ITFG1: variants seen among roughly 807,000 people sequenced by gnomAD.
ITFG1 encodes integrin alpha FG-GAP repeat containing 1, also known as T-cell immunomodulatory protein.
A neutral mutation model predicts 81.8 loss-of-function variants in ITFG1; 34 were observed. The ratio of observed to expected loss-of-function variants is 0.42; its 90% confidence interval spans 0.32 to 0.55. The LOEUF is 0.55. Ranked by LOEUF, ITFG1 falls within the 20% of genes least tolerant of loss-of-function variation. ITFG1 has a pLI of 0.17. For missense variants in ITFG1, 672 were observed against 755.4 expected (o/e 0.89, Z 1.29); for synonymous variants, 285 against 270.6 (o/e 1.05, Z -0.52).
chr16:47,156,903 G>A (rs940094365), intron 17 of ITFG1, among the ~76,000 whole-genome samples: 3 of 152,186 alleles, frequency 2.0e-5, no homozygotes, highest in Non-Finnish European at 4.4e-5. Flanking sequence ...TTCAGCAGGG[G>A]AGTGACATGA....
At chr16:47,410,440 G>C (rs1968795714) in intron 6 of ITFG1, among the ~76,000 whole-genome samples, 1 of 152,054 alleles carries the variant, frequency 6.6e-6, no homozygotes. Flanking sequence ...GAGTGATTCA[G>C]CACAAGACGG....
At chr16:47,381,787 C>T (rs1251188404) in intron 6 of ITFG1, among the ~76,000 whole-genome samples, 1 of 152,168 alleles carries the variant, frequency 6.6e-6, no homozygotes, top group East Asian at 1.9e-4. Flanking sequence ...CTAAGACAAA[C>T]CAGGTCATGC....
At position 47,380,433 on chromosome 16, in the gene ITFG1, C is replaced by A. The variant is rs934811043; in HGVS notation, c.656-4493G>T. On this transcript the variant is annotated intron_variant, in intron 6 of 17. Transcript: ENST00000320640. ...CCCACCTTATCTCCTGGACACTACG[C>A]CAAAAAGTAAGGTTAAATTACAGTG... Among the ~76,000 whole-genome samples, 8 of 152,090 alleles carry A rather than the reference C, an allele frequency of 5.3e-5. No individual in the cohort carries two copies. In the South Asian group the frequency reaches 1.7e-3, roughly 31 times the overall value.
chr16:47,321,055 A>G (rs932773901), intron 8 of ITFG1, among the ~76,000 whole-genome samples: 3 of 152,244 alleles, frequency 2.0e-5, no homozygotes, highest in Admixed American at 1.3e-4. Context: ...ATTTCTGATT[A>G]CAGAGTAGAA....
chr16:47,389,221 A>G (rs769577132), intron 6 of ITFG1, among the ~76,000 whole-genome samples: 35 of 152,324 alleles, frequency 2.3e-4, no homozygotes, highest in Middle Eastern at 3.4e-3. Flanking sequence ...GACCCCTGAT[A>G]GTAATTCAAA....
chr16:47,334,321 A>AAGAGGCTGAGGTG (rs1967675025), intron 8 of ITFG1, among the ~76,000 whole-genome samples: 1 of 152,052 alleles, frequency 6.6e-6, no homozygotes, highest in African/African-American at 2.4e-5. Context: ...CCAAATACTT[A>AAGAGGCTGAGGTG]AGAGGCTGAG....
intron 5 of ITFG1, among the ~76,000 whole-genome samples, chr16:47,432,468 C>T (rs1259471976): frequency 6.6e-6 from 1 of 152,164 alleles, no homozygotes; most frequent in Non-Finnish European, 1.5e-5. Context: ...TTTCTCTACA[C>T]AAAATGTGTT....
chr16:47,341,051 T>C (rs1266501168), intron 8 of ITFG1, among the ~76,000 whole-genome samples: 1 of 151,710 alleles, frequency 6.6e-6, no homozygotes, highest in Non-Finnish European at 1.5e-5. Context: ...ACAAGAAAAT[T>C]CACGAATACA....
chr16:47,231,634 C>G (rs1342391187), intron 13 of ITFG1, among the ~76,000 whole-genome samples: 2 of 152,246 alleles, frequency 1.3e-5, no homozygotes, highest in Admixed American at 1.3e-4. Flanking sequence ...ACTATCCCTA[C>G]CAATATAGGG....
At chr16:47,451,811 C>A (rs561472016) in intron 4 of ITFG1, among the ~76,000 whole-genome samples, 2 of 152,268 alleles carry the variant, frequency 1.3e-5, no homozygotes, top group African/African-American at 2.4e-5. Flanking sequence ...CCACACTGGA[C>A]ATATAGTAAG....
rs545904732 is a variant in ITFG1, at chr16:47,444,446, C to T, written c.560+6950G>A. ...GTATTGAAAAAAGAATAACACTATG[C>T]CTTTCTCATTTTATTAAACATGACA... On this transcript the variant is annotated intron_variant, in intron 5 of 17. Coordinates refer to ENST00000320640, the MANE Select transcript of ITFG1 (RefSeq NM_030790.5). Among the ~76,000 whole-genome samples, 7 of 152,156 alleles carry T rather than the reference C, an allele frequency of 4.6e-5. No homozygotes were observed. In the South Asian group the frequency reaches 1.5e-3, roughly 32 times the overall value.
intron 8 of ITFG1, among the ~76,000 whole-genome samples, chr16:47,361,808 C>G (rs970170391): frequency 6.6e-6 from 1 of 152,098 alleles, no homozygotes; most frequent in Admixed American, 6.5e-5. Context: ...TAGTATCTGC[C>G]GATGGTTTCT....
chr16:47,247,972 A>G (rs549766417), intron 12 of ITFG1, among the ~76,000 whole-genome samples: 74 of 152,338 alleles, frequency 4.9e-4, no homozygotes, highest in Admixed American at 1.3e-3. Flanking sequence ...GAGCAGAACC[A>G]GAAATGGAAC....
intron 8 of ITFG1, among the ~76,000 whole-genome samples, chr16:47,325,258 G>C (rs1967517119): frequency 6.6e-6 from 1 of 152,208 alleles, no homozygotes; most frequent in African/African-American, 2.4e-5. Context: ...CAGAAATAAA[G>C]ATGTTCTTTG....
intron 4 of ITFG1, among the ~76,000 whole-genome samples, chr16:47,451,690 T>C (rs1227818844): frequency 6.6e-6 from 1 of 152,208 alleles, no homozygotes; most frequent in African/African-American, 2.4e-5. Flanking sequence ...CTCTCCAGGC[T>C]TGCCATGGCA....
At chr16:47,410,342 AT>A (rs1408695098) in intron 6 of ITFG1, among the ~76,000 whole-genome samples, 3 of 152,156 alleles carry the variant, frequency 2.0e-5, no homozygotes, top group African/African-American at 7.2e-5. Flanking sequence ...TCCAAGAAAA[AT>A]AATTGTAAAT....
At chr16:47,197,459 G>C (rs920596982) in intron 14 of ITFG1, among the ~76,000 whole-genome samples, 2 of 152,126 alleles carry the variant, frequency 1.3e-5, no homozygotes, top group East Asian at 1.9e-4. Flanking sequence ...TGCCTTTCCA[G>C]GCCAAATCAA....
chr16:47,404,717 T>G (rs1968706548), intron 6 of ITFG1, among the ~76,000 whole-genome samples: 1 of 152,210 alleles, frequency 6.6e-6, no homozygotes, highest in African/African-American at 2.4e-5. Context: ...TTCTGAAATT[T>G]TTTTTTGCTC....
At chr16:47,367,796 A>G (rs555834907) in intron 7 of ITFG1, among the ~76,000 whole-genome samples, 3 of 152,300 alleles carry the variant, frequency 2.0e-5, no homozygotes, top group African/African-American at 7.2e-5. Context: ...TGTATTTTTC[A>G]ATGATTTTCT....
Sources: gnomAD v4.1 joint callset for allele counts (sites outside exome capture counted in the v4.1 genomes callset) on GRCh38, gnomAD v4.1.1 for gene constraint, MANE v1.5 for transcripts, NCBI Gene and HGNC (gene_info 2026-07-23, HGNC 2026-07-21) for gene names.